ZBTB1: variants seen among roughly 807,000 people sequenced by gnomAD.
The protein encoded by ZBTB1 is zinc finger and BTB domain containing 1, also known as zinc finger and BTB domain-containing protein 1.
ZBTB1 carries 13 observed loss-of-function variants against 51.6 expected under a neutral mutation model. The observed-to-expected ratio is 0.25, with a 90% CI of 0.16 to 0.40. ZBTB1 has a LOEUF of 0.40. Among genes scored for constraint, ZBTB1 ranks in the 10% least tolerant of loss-of-function variants. ZBTB1 has a pLI of 1.00. For synonymous variants in ZBTB1, 240 were observed against 282.2 expected, an observed-to-expected ratio of 0.85 and a Z score of 1.50; for missense variants, 567 against 856.5, an observed-to-expected ratio of 0.66 and a Z score of 4.22.
chr14:64,532,088 G>T, exon 3 of ZBTB1: 1 of 568,658 alleles, frequency 1.8e-6, no homozygotes, highest in Non-Finnish European at 3.0e-6. Context: ...GAATCACTTT[G>T]TTGTAACAAA....
chr14:64,522,626 TGAA>T lies in ZBTB1; in HGVS notation c.1128_1130del (p.Glu376del), dbSNP rs780136901. ...AAGAGCCATTTTATAGATACTATGT[TGAA>T]GAAGATGTCAGCATAAAAAAAAGTG... On this transcript the variant is annotated inframe_deletion, in exon 2 of 2. Coordinates refer to ENST00000683701, the MANE Select transcript of ZBTB1 (RefSeq NM_001123329.2). 3 of 1,614,190 alleles carry T rather than the reference TGAA, an allele frequency of 1.9e-6. No homozygotes were observed. The highest frequency in any genetic ancestry group is 3.3e-4 in the Middle Eastern group (2 of 6,062).
Position 64,521,964 on chromosome 14 carries a change from A to C in ZBTB1, c.460A>C (p.Asn154His). 9 of 1,614,238 alleles carry C rather than the reference A, an allele frequency of 5.6e-6. No homozygotes were observed. Among genetic ancestry groups the C allele is most frequent in the Non-Finnish European group, 7.6e-6 (9 of 1,180,038 alleles). The change falls in exon 2 of 2, where the codon AAT becomes CAT. Residue 154 changes from asparagine to histidine, a missense_variant. Transcript: ENST00000683701. ...MYEDTVARNGNEANRWCAEPS... is the reference protein window; with the variant it reads ...MYEDTVARNGHEANRWCAEPS... ...TGAAGATACTGTGGCTCGAAATGGC[A>C]ATGAAGCCAACAGGTGGTGTGCAGA...
downstream of ZBTB1, among the ~76,000 whole-genome samples, chr14:64,526,213 T>G (rs565339945): frequency 2.1e-3 from 314 of 152,292 alleles, 1 homozygote; most frequent in African/African-American, 7.1e-3. Flanking sequence ...TAGAGTGGAA[T>G]GTACAATTCT....
intron 1 of ZBTB1, among the ~76,000 whole-genome samples, chr14:64,508,914 CT>C (rs2079694035): frequency 6.6e-6 from 1 of 152,178 alleles, no homozygotes; most frequent in Non-Finnish European, 1.5e-5. Flanking sequence ...TGTCAAGGAG[CT>C]TGCAGTAAAG....
rs796897958 is a variant in ZBTB1 at position 64,531,230 on chromosome 14, C to A, written c.1899-631C>A. On this transcript the variant is annotated intron_variant, in intron 2 of 2. Transcript: ENST00000358738. ...TATGAACCATCTTTTTTTTCAAATG[C>A]TTATGTTTAAAAAATTTTAAAAAAA... 4.6e-5 allele frequency among the ~76,000 whole-genome samples: 7 copies of A among 151,752 alleles called. No individual in the cohort carries two copies. In the South Asian group the frequency reaches 1.5e-3, roughly 31 times the overall value.
intron 1 of ZBTB1, 26 bp from the exon 2 acceptor site, chr14:64,521,461 G>C: frequency 6.6e-7 from 1 of 1,514,294 alleles, no homozygotes; most frequent in Non-Finnish European, 8.8e-7. Flanking sequence ...TATCTTGTTT[G>C]ACTTTAATAT....
intron 2 of ZBTB1, among the ~76,000 whole-genome samples, chr14:64,531,582 A>G (rs1168535635): frequency 6.6e-6 from 1 of 152,112 alleles, no homozygotes; most frequent in Non-Finnish European, 1.5e-5. Flanking sequence ...ACTTTCCTCT[A>G]TTTGTCTGAC....
At position 64,507,547 on chromosome 14, in the gene ZBTB1, C is replaced by G. The variant is rs778149595; in HGVS notation, c.-19+2601C>G. Among the ~76,000 whole-genome samples, 37 of 152,182 alleles carry G rather than the reference C, an allele frequency of 2.4e-4. 1 individual carries two copies. The highest frequency in any genetic ancestry group is 4.4e-4 in the Non-Finnish European group (30 of 68,036). ...AACATTTGATCACAGCTGTGTGTGC[C>G]TCACTCTGCCTGGGGATGGCCTGTG... On this transcript the variant is annotated intron_variant, in intron 1 of 1. Transcript: ENST00000683701.
chr14:64,524,371 C>A lies in ZBTB1; in HGVS notation c.*725C>A. 1 of 875,512 alleles carries A rather than the reference C, an allele frequency of 1.1e-6. No homozygotes were observed. Among genetic ancestry groups the A allele is most frequent in the Non-Finnish European group, 1.4e-6 (1 of 730,328 alleles). 54.2% of individuals were successfully genotyped at this position (875,512 alleles called of 1,614,324 possible). On this transcript the variant is annotated 3_prime_UTR_variant, in exon 2 of 2. Transcript: ENST00000683701. ...ACTTGAAAAATTAGTGGGGATAAGC[C>A]ATTTTGTTTTGTGATATTAAATTTA...
At chr14:64,520,311 G>GT (rs1376232485) in intron 1 of ZBTB1, among the ~76,000 whole-genome samples, 2 of 151,750 alleles carry the variant, frequency 1.3e-5, no homozygotes, top group Non-Finnish European at 2.9e-5. Flanking sequence ...CCCTAATAAG[G>GT]TTTTTTTAAA....
In ZBTB1 at chr14:64,504,834, C is replaced by T. The variant is rs2079614726; in HGVS notation, c.-131C>T. 1 of 393,378 alleles carries T rather than the reference C, an allele frequency of 2.5e-6. No individual in the cohort carries two copies. Among genetic ancestry groups the T allele is most frequent in the Non-Finnish European group, 4.5e-6 (1 of 222,914 alleles). The allele number at this position is 393,378 out of a possible 1,614,324, so 24.4% of individuals were successfully genotyped here. Reference sequence around the variant, plus strand: ...GCAGCCCAGCCCGAGCGCCGAGCGCCGCGCGCCGCCGCCACTGCAGCTCGC... The same window carrying T: ...GCAGCCCAGCCCGAGCGCCGAGCGCTGCGCGCCGCCGCCACTGCAGCTCGC... On this transcript the variant is annotated 5_prime_UTR_variant, in exon 1 of 2. Transcript: ENST00000683701.
At chr14:64,509,217 A>G (rs2140089398) in intron 1 of ZBTB1, among the ~76,000 whole-genome samples, 1 of 152,332 alleles carries the variant, frequency 6.6e-6, no homozygotes, top group South Asian at 2.1e-4. Context: ...AAACAATACA[A>G]AAGTTAGCTG....
chr14:64,512,653 A>G (rs2079737186), intron 1 of ZBTB1, among the ~76,000 whole-genome samples: 1 of 152,220 alleles, frequency 6.6e-6, no homozygotes, highest in Non-Finnish European at 1.5e-5. Flanking sequence ...TTCCTGTACT[A>G]AGTACTGAAT....
downstream of ZBTB1, among the ~76,000 whole-genome samples, chr14:64,527,878 A>T (rs191874733): frequency 5.0e-4 from 76 of 152,350 alleles, no homozygotes; most frequent in African/African-American, 1.7e-3. Context: ...TATAGGTGAG[A>T]TGAGTAGGGA....
chr14:64,508,527 A>G (rs1444006938), intron 1 of ZBTB1, among the ~76,000 whole-genome samples: 1 of 152,232 alleles, frequency 6.6e-6, no homozygotes, highest in African/African-American at 2.4e-5. Flanking sequence ...GCTAATAGTC[A>G]TATTCAGAAG....
At chr14:64,530,815 A>G (rs1247303534) in intron 2 of ZBTB1, among the ~76,000 whole-genome samples, 1 of 152,190 alleles carries the variant, frequency 6.6e-6, no homozygotes, top group Admixed American at 6.5e-5. Context: ...ACAGAAAGCC[A>G]TTATAATTTC....
chr14:64,532,170 C>G, exon 3 of ZBTB1: 1 of 363,502 alleles, frequency 2.8e-6, no homozygotes, highest in Non-Finnish European at 5.0e-6. Flanking sequence ...CATACAACAT[C>G]AGTGGTTACA....
chr14:64,521,403 G>A (rs2140168230), intron 1 of ZBTB1, 84 bp from the exon 2 acceptor site: 1 of 1,084,324 alleles, frequency 9.2e-7, no homozygotes, highest in Non-Finnish European at 1.3e-6. Flanking sequence ...TAGCAGTCAT[G>A]CAAGTCACAA....
intron 1 of ZBTB1, chr14:64,505,163 TCGG>T: frequency 3.0e-6 from 1 of 335,996 alleles, no homozygotes; most frequent in Admixed American, 4.9e-5. Flanking sequence ...CCTCCCTGAG[TCGG>T]AGGCGAAGCC....
Sources: gnomAD v4.1 joint callset for allele counts (sites outside exome capture counted in the v4.1 genomes callset) on GRCh38, gnomAD v4.1.1 for gene constraint, MANE v1.5 for transcripts, NCBI Gene and HGNC (gene_info 2026-07-23, HGNC 2026-07-21) for gene names.